The following SPDEF variants were observed in gnomAD, a reference collection of about 807,000 sequenced individuals.
The protein encoded by SPDEF is SAM pointed domain containing ETS transcription factor, also known as SAM pointed domain-containing Ets transcription factor.
A neutral mutation model predicts 36.0 loss-of-function variants in SPDEF; 12 were observed. That is an observed-to-expected ratio of 0.33 (90% confidence interval 0.21 to 0.54). SPDEF has a LOEUF of 0.54. SPDEF is among the 20% of genes least tolerant of loss of function. The pLI is 0.93. For missense variants in SPDEF, 388 were observed against 456.9 expected, an observed-to-expected ratio of 0.85 and a Z score of 1.37; for synonymous variants, 205 against 193.0, an observed-to-expected ratio of 1.06 and a Z score of -0.51.
At chr6:34,553,705 C>T (rs1289709093) in intron 1 of SPDEF, among the ~76,000 whole-genome samples, 2 of 151,416 alleles carry the variant, frequency 1.3e-5, no homozygotes, top group Non-Finnish European at 2.9e-5. Context: ...GTGAGGAAGC[C>T]GGGGAGCAAA....
chr6:34,546,992 A>ACCCCCCCCCCCCGC (rs564745272), intron 1 of SPDEF, among the ~76,000 whole-genome samples: 1 of 100,982 alleles, frequency 9.9e-6, no homozygotes. Flanking sequence ...ACCCCTGGGG[A>ACCCCCCCCCCCCGC]CCCCCCCCCG....
chr6:34,543,886 C>T (rs1767882316), intron 2 of SPDEF, 134 bp downstream of exon 2: 3 of 806,844 alleles, frequency 3.7e-6, no homozygotes, highest in East Asian at 5.5e-5. Context: ...TGTAGAAGTG[C>T]CAGCATCCCC....
Position 34,538,945 on chromosome 6 carries a change from C to T in SPDEF, c.829+305G>A, listed in dbSNP as rs1341703158. Among the ~76,000 whole-genome samples the T allele has an allele frequency of 3.3e-5, 5 of 152,196 alleles. No individual in the cohort carries two copies. The highest frequency in any genetic ancestry group is 1.9e-4 in the East Asian group (1 of 5,202). On this transcript the variant is annotated intron_variant, in intron 5 of 5. Coordinates refer to ENST00000374037, the MANE Select transcript of SPDEF (RefSeq NM_012391.3). This position sits in a 1 kb window ranked among gnomAD's most constrained non-coding sequence, Gnocchi z 5.9. ...TTCTCAGGCAGTTCGGCCTGTGCAG[C>T]CCTCTCTGGCAGGATTAATTAATAT...
At chr6:34,550,615 C>T (rs1768039086) in intron 1 of SPDEF, among the ~76,000 whole-genome samples, 1 of 152,238 alleles carries the variant, frequency 6.6e-6, no homozygotes, top group Non-Finnish European at 1.5e-5. Flanking sequence ...GGGCACAAAA[C>T]TGTCCAGGCC....
At position 34,538,040 on chromosome 6, in the gene SPDEF, T is replaced by C. The variant is rs538122021; in HGVS notation, c.*234A>G. On this transcript the variant is annotated 3_prime_UTR_variant, in exon 6 of 6. Transcript: ENST00000374037. The surrounding 1 kb of genome is among the most constrained non-coding windows in gnomAD (Gnocchi z 5.9). ...TGGGGAGCAGCCCTGTCTCCCTCTG[T>C]CCTCCAGGGGAGCAGCTGGGCCTGA... 1.2e-5 allele frequency: 6 copies of C among 503,016 alleles called. No individual in the cohort carries two copies. The East Asian group carries it at 1.5e-4, about 13-fold the overall frequency. The allele number at this position is 503,016 out of a possible 1,614,324, so 31.2% of individuals were successfully genotyped here.
chr6:34,545,551 GC>G (rs1478720136), intron 1 of SPDEF, among the ~76,000 whole-genome samples: 1 of 152,264 alleles, frequency 6.6e-6, no homozygotes, highest in Admixed American at 6.5e-5. Context: ...CTGGAGAGGT[GC>G]GCAAGCACTG....
At position 34,541,023 on chromosome 6, in the gene SPDEF, C is replaced by T; in HGVS notation, c.595G>A (p.Gly199Arg). 6.2e-7 allele frequency: 1 copy of T among 1,612,252 alleles called. No homozygotes were observed. Among genetic ancestry groups the T allele is most frequent in the Non-Finnish European group, 8.5e-7 (1 of 1,179,908 alleles). The change falls in exon 3 of 6, where the codon GGG becomes AGG. Residue 199 changes from glycine (G) to arginine (R), a missense_variant. By Grantham distance (125) the Gly-to-Arg change is moderately radical. Transcript: ENST00000374037. ...TCCAGGTGGGCGTGCAGCACATCCCCACCCAGGGGCGAGCGCTGGCGGAAC... is the reference window on the plus strand; with the variant it reads ...TCCAGGTGGGCGTGCAGCACATCCCTACCCAGGGGCGAGCGCTGGCGGAAC... ...EQFRQRSPLG[G>R]DVLHAHLDIW...
rs771683840 is a variant in SPDEF, at chr6:34,544,390, C to T, written c.66G>A (p.Thr22=). ...SPSHLLLPPD[T]VSRTGLEKAA... ...CCTTCTCCAAGCCTGTCCGCGACAC[C>T]GTGTCGGGGGGCAGCAGGAGGTGGC... The change falls in exon 2 of 6, where the codon ACG becomes ACA. Residue 22 remains threonine, a synonymous_variant. Transcript: ENST00000374037. The surrounding 1 kb of genome is among the most constrained non-coding windows in gnomAD (Gnocchi z 4.4). The T allele has an allele frequency of 6.3e-6, 10 of 1,592,978 alleles. No homozygotes were observed. In the East Asian group the frequency reaches 6.7e-5, roughly 11 times the overall value.
chr6:34,545,659 T>C (rs1238463858), intron 1 of SPDEF, among the ~76,000 whole-genome samples: 5 of 152,184 alleles, frequency 3.3e-5, no homozygotes, highest in Non-Finnish European at 5.9e-5. Context: ...ACTGTAATCC[T>C]AGCTCTTTGG....
At position 34,544,095 on chromosome 6, in the gene SPDEF, GCTCCAGCGA is replaced by G. The variant is rs919707274; in HGVS notation, c.352_360del (p.Ser118_Glu120del). ...TCGCCCACCACCATGGACTGCACCT[GCTCCAGCGA>G]GTGCTCCTCCAAGGTCAGCCCGCCG... On this transcript the variant is annotated inframe_deletion, in exon 2 of 6. Coordinates refer to ENST00000374037, the MANE Select transcript of SPDEF (RefSeq NM_012391.3). This position sits in a 1 kb window ranked among gnomAD's most constrained non-coding sequence, Gnocchi z 4.4. 6.2e-7 allele frequency: 1 copy of G among 1,613,436 alleles called. No homozygotes were observed. The highest frequency in any genetic ancestry group is 8.5e-7 in the Non-Finnish European group (1 of 1,179,862).
Position 34,538,258 on chromosome 6 carries a change from G to A in SPDEF, c.*16C>T, listed in dbSNP as rs764217572. On this transcript the variant is annotated 3_prime_UTR_variant, in exon 6 of 6. Coordinates refer to ENST00000374037, the MANE Select transcript of SPDEF (RefSeq NM_012391.3). This position sits in a 1 kb window ranked among gnomAD's most constrained non-coding sequence, Gnocchi z 5.9. The stretch of plus-strand genomic sequence containing the variant: ...AGAGGCCCCTGAGGGCGGGTTTCAG[G>A]CCCTGGGCCAGGCACTCAGATGGGG... 7 of 1,609,640 alleles carry A rather than the reference G, an allele frequency of 4.3e-6. No homozygotes were observed. The African/African-American group carries it at 8.0e-5, about 18-fold the overall frequency.
In SPDEF at chr6:34,548,080, G is replaced by A. The variant is rs533261254; in HGVS notation, c.-29-3596C>T. 5.9e-5 allele frequency among the ~76,000 whole-genome samples: 9 copies of A among 152,306 alleles called. No individual in the cohort carries two copies. The South Asian group carries it at 1.7e-3, about 28-fold the overall frequency. ...GCCTCAGGAGGGAAGAAGAGAGAAC[G>A]GCACTGTGAGCCCCTGGCAGTGAGC... On this transcript the variant is annotated intron_variant, in intron 1 of 5. Transcript: ENST00000374037.
chr6:34,537,923 G>A lies in SPDEF; in HGVS notation c.*351C>T. On this transcript the variant is annotated 3_prime_UTR_variant, in exon 6 of 6. Coordinates refer to ENST00000374037, the MANE Select transcript of SPDEF (RefSeq NM_012391.3). ...GCAGAATGGGAGGCAGGGGGATGGA[G>A]CAGAGAGAGGCCTGGACTGCCTGTG... 4.4e-6 allele frequency: 1 copy of A among 225,292 alleles called. No homozygotes were observed. The highest frequency in any genetic ancestry group is 8.9e-6 in the Non-Finnish European group (1 of 112,876). 14.0% of individuals were successfully genotyped at this position (225,292 alleles called of 1,614,324 possible).
In SPDEF at chr6:34,544,191, C is replaced by T; in HGVS notation, c.265G>A (p.Glu89Lys). ...GASSREEPPE[E>K]PEQCPVIDSQ... Reference sequence around the variant, plus strand: ...TCAATGACCGGGCACTGCTCAGGCTCCTCAGGTGGCTCCTCCCGACTGCTG... The same window carrying T: ...TCAATGACCGGGCACTGCTCAGGCTTCTCAGGTGGCTCCTCCCGACTGCTG... Residue 89 changes from glutamate to lysine, a missense_variant, in exon 2 of 6, where the codon GAG becomes AAG. By Grantham distance (56) the Glu-to-Lys change is moderately conservative (BLOSUM62 1). Transcript: ENST00000374037. The surrounding 1 kb of genome is among the most constrained non-coding windows in gnomAD (Gnocchi z 4.4). 1.9e-6 allele frequency: 3 copies of T among 1,613,924 alleles called. No individual in the cohort carries two copies. The highest frequency in any genetic ancestry group is 2.2e-5 in the East Asian group (1 of 44,884).
chr6:34,539,157 G>T lies in SPDEF; in HGVS notation c.829+93C>A. 6.9e-7 allele frequency: 1 copy of T among 1,452,012 alleles called. No individual in the cohort carries two copies. The allele number at this position is 1,452,012 out of a possible 1,614,324, so 89.9% of individuals were successfully genotyped here. On this transcript the variant is annotated intron_variant, in intron 5 of 5. Coordinates refer to ENST00000374037, the MANE Select transcript of SPDEF (RefSeq NM_012391.3). The surrounding 1 kb of genome is among the most constrained non-coding windows in gnomAD (Gnocchi z 5.2). ...AGGTGGGGATCAGCTTCACCCCTCT[G>T]CCCGCCCCTGCCCCCATGCACCGTG...
At position 34,539,440 on chromosome 6, in the gene SPDEF, A is replaced by G; in HGVS notation, c.683-44T>C. 1 of 1,611,854 alleles carries G rather than the reference A, an allele frequency of 6.2e-7. No homozygotes were observed. The highest frequency in any genetic ancestry group is 8.5e-7 in the Non-Finnish European group (1 of 1,179,762). On this transcript the variant is annotated intron_variant, in intron 4 of 5. Coordinates refer to ENST00000374037, the MANE Select transcript of SPDEF (RefSeq NM_012391.3). The surrounding 1 kb of genome is among the most constrained non-coding windows in gnomAD (Gnocchi z 5.2). ...TGGCGGTGAGTGGGAATGGGAGGCC[A>G]GTCCCGGCTTCATTGGCAGCCACCC...
At chr6:34,550,784 C>T (rs558994639) in intron 1 of SPDEF, among the ~76,000 whole-genome samples, 1 of 152,216 alleles carries the variant, frequency 6.6e-6, no homozygotes, top group South Asian at 2.1e-4. Flanking sequence ...GGGGGCGGGG[C>T]CACGTAGCAG....
chr6:34,541,007 G>A lies in SPDEF; in HGVS notation c.611C>T (p.Ala204Val). Reference protein sequence around the residue: ...RSPLGGDVLHAHLDIWKSAAW... With the variant: ...RSPLGGDVLHVHLDIWKSAAW... ...ACCTGACTTCCAGATGTCCAGGTGG[G>A]CGTGCAGCACATCCCCACCCAGGGG... The change falls in exon 3 of 6, where the codon GCC becomes GTC. Residue 204 changes from alanine (A) to valine (V), a missense_variant. Physicochemically the swap from Ala to Val is moderately conservative, Grantham distance 64 (BLOSUM62 0). Around this residue, in one of 2 missense-constraint regions of SPDEF, gnomAD observed 308 missense variants for 326.1 expected, o/e 0.94. Transcript: ENST00000374037. The A allele has an allele frequency of 1.9e-6, 3 of 1,611,486 alleles. No individual in the cohort carries two copies. The highest frequency in any genetic ancestry group is 2.5e-6 in the Non-Finnish European group (3 of 1,179,652).
chr6:34,544,024 G>A lies in SPDEF; in HGVS notation c.432C>T (p.Thr144=), dbSNP rs765958197. Residue 144 remains threonine, a synonymous_variant, in exon 2 of 6, where the codon ACC becomes ACT. Transcript: ENST00000374037. The surrounding 1 kb of genome is among the most constrained non-coding windows in gnomAD (Gnocchi z 4.4). ...AGGCACATGGAGAGGGCTCACCTGCGGTGATGTTGAGCAGCTTGCAGGCCG... is the reference window on the plus strand; with the variant it reads ...AGGCACATGGAGAGGGCTCACCTGCAGTGATGTTGAGCAGCTTGCAGGCCG... ...IETACKLLNI[T]ADPMDWSPSN... is the part of the protein sequence containing the mutation. 1.6e-5 allele frequency: 25 copies of A among 1,609,560 alleles called. No homozygotes were observed. The highest frequency in any genetic ancestry group is 1.7e-4 in the Middle Eastern group (1 of 6,040).
Sources: allele counts gnomAD v4.1 joint callset (sites outside exome capture counted in the v4.1 genomes callset), GRCh38; gene constraint gnomAD v4.1.1; regional missense constraint gnomAD v4.1.1; non-coding constraint Gnocchi (gnomAD v3.1); transcripts MANE v1.5; gene names NCBI Gene and HGNC (gene_info 2026-07-23, HGNC 2026-07-21).